TBC1D2B: variants seen among roughly 807,000 people sequenced by gnomAD.
TBC1D2B encodes TBC1 domain family, member 2B.
TBC1D2B carries 64 observed loss-of-function variants against 100.8 expected under a neutral mutation model. The ratio of observed to expected loss-of-function variants is 0.64; its 90% CI spans 0.52 to 0.78. The LOEUF is 0.78. Among genes scored for constraint, TBC1D2B ranks in the 30% least tolerant of loss-of-function variants. The pLI is 0.00. For synonymous variants in TBC1D2B, 480 were observed against 479.7 expected (o/e 1.00, Z -0.01); for missense variants, 1,052 against 1,218.4 (o/e 0.86, Z 2.03).
Position 78,054,126 on chromosome 15 carries a change from T to C in TBC1D2B, c.422A>G (p.Tyr141Cys). ...LQELQQKRWE[Y>C]CNSLDMVKWD... ...CTTGACCATGTCAAGACTGTTACAA[T>C]ATTCCCATCTCTTCTGCTGAAGCTC... The change falls in exon 2 of 13, where the codon TAT (tyrosine) becomes TGT (cysteine). Residue 141 changes from tyrosine (Y) to cysteine (C), a missense_variant. This residue lies in a region of TBC1D2B where 627 missense variants were observed against 646.1 expected (regional missense o/e 0.97). Coordinates refer to ENST00000300584, the MANE Select transcript of TBC1D2B (RefSeq NM_144572.2). 1 of 1,613,894 alleles carries C rather than the reference T, an allele frequency of 6.2e-7. No individual in the cohort carries two copies. The highest frequency in any genetic ancestry group is 8.5e-7 in the Non-Finnish European group (1 of 1,179,830).
At chr15:78,007,332 A>G (rs1354210145) in intron 10 of TBC1D2B, among the ~76,000 whole-genome samples, 1 of 152,216 alleles carries the variant, frequency 6.6e-6, no homozygotes, top group African/African-American at 2.4e-5. Flanking sequence ...CAGCAGGAAG[A>G]AAGGAGAGAG....
chr15:77,995,233 A>G lies in TBC1D2B; in HGVS notation c.*2927T>C, dbSNP rs1030090841. The G allele has an allele frequency of 6.6e-6, 1 of 152,212 alleles. No individual in the cohort carries two copies. The highest frequency in any genetic ancestry group is 1.5e-5 in the Non-Finnish European group (1 of 68,042). 9.4% of individuals were successfully genotyped at this position (152,212 alleles called of 1,614,324 possible). On this transcript the variant is annotated 3_prime_UTR_variant, in exon 13 of 13. Transcript: ENST00000300584. ...AAGCCCCGGAACACACAGGAAGACA[A>G]CACTATAGGATGGCAGGTGGGGATC...
chr15:78,036,481 T>C (rs2072949169), intron 3 of TBC1D2B, among the ~76,000 whole-genome samples: 1 of 152,214 alleles, frequency 6.6e-6, no homozygotes, highest in Non-Finnish European at 1.5e-5. Context: ...TTAACACCGT[T>C]ATCTGGGGAG....
intron 6 of TBC1D2B, among the ~76,000 whole-genome samples, chr15:78,020,010 C>G (rs2072477403): frequency 6.6e-6 from 1 of 152,114 alleles, no homozygotes; most frequent in Admixed American, 6.5e-5. Context: ...CCACCTCAAC[C>G]TCCTGAGTAG....
Position 78,016,030 on chromosome 15 carries a change from A to C in TBC1D2B, c.1775+516T>G, listed in dbSNP as rs540438731. Among the ~76,000 whole-genome samples the C allele has an allele frequency of 1.3e-4, 20 of 152,336 alleles. No homozygotes were observed. The South Asian group carries it at 4.1e-3, about 32-fold the overall frequency. ...TGGAAACAAGAGGCTGAACTGCGTG[A>C]ATCTGTAGATTTCTCCTGGTTCAAG... On this transcript the variant is annotated intron_variant, in intron 8 of 12. Transcript: ENST00000300584.
At chr15:78,045,863 C>T (rs902888438) in intron 2 of TBC1D2B, among the ~76,000 whole-genome samples, 2 of 152,080 alleles carry the variant, frequency 1.3e-5, no homozygotes, top group Non-Finnish European at 2.9e-5. Flanking sequence ...TGTTATTCTT[C>T]GTATATGTTT....
At chr15:78,026,327 G>C (rs975577359) in intron 4 of TBC1D2B, among the ~76,000 whole-genome samples, 3 of 152,010 alleles carry the variant, frequency 2.0e-5, no homozygotes, top group Non-Finnish European at 4.4e-5. Flanking sequence ...CACCAGGGTG[G>C]GTTAGTTATC....
chr15:78,077,355 G>A lies in TBC1D2B; in HGVS notation c.298C>T (p.Pro100Ser). 1.3e-6 allele frequency: 2 copies of A among 1,538,890 alleles called. No homozygotes were observed. Among genetic ancestry groups the A allele is most frequent in the Non-Finnish European group, 1.8e-6 (2 of 1,142,808 alleles). The stretch of plus-strand genomic sequence containing the variant: ...AAGTGCGCGGGCGGCTCCGTGCCCG[G>A]CTCCGCCGCCTCGTCGGGGCCCTGG... ...SYQGPDEAAE[P>S]GTEPPAHFQV... is the part of the protein sequence containing the mutation. Residue 100 changes from proline (P) to serine (S), a missense_variant, in exon 1 of 13, where the codon CCG (proline) becomes TCG (serine). Coordinates refer to ENST00000300584, the MANE Select transcript of TBC1D2B (RefSeq NM_144572.2).
At chr15:78,057,023 C>A (rs1264535546) in intron 1 of TBC1D2B, among the ~76,000 whole-genome samples, 1 of 152,190 alleles carries the variant, frequency 6.6e-6, no homozygotes, top group African/African-American at 2.4e-5. Flanking sequence ...CCACAGGCTG[C>A]TAGAGAAGCT....
At position 78,045,071 on chromosome 15, in the gene TBC1D2B, G is replaced by GA. The variant is rs754356563; in HGVS notation, c.515-4dup. ...ATTTGGGTGTGGGTAAATTAAATCT[G>GA]AAAAAAAAGGTAAACAAATGTCAGT... On this transcript the variant is annotated splice_polypyrimidine_tract_variant and splice_region_variant and intron_variant, in intron 2 of 12. Transcript: ENST00000300584. The GA allele has an allele frequency of 3.0e-5, 47 of 1,573,884 alleles. No individual in the cohort carries two copies. Among genetic ancestry groups the GA allele is most frequent in the East Asian group, 1.6e-4 (7 of 44,370 alleles).
At chr15:77,999,438 G>C (rs186076617) in intron 12 of TBC1D2B, 227 of 333,026 alleles carry the variant, frequency 6.8e-4, no homozygotes, top group African/African-American at 4.7e-3. Flanking sequence ...AGAAAGGCCA[G>C]CTTTATTTAA....
At chr15:78,051,669 T>C (rs1339034548) in intron 2 of TBC1D2B, among the ~76,000 whole-genome samples, 1 of 152,238 alleles carries the variant, frequency 6.6e-6, no homozygotes, top group African/African-American at 2.4e-5. Context: ...AAAAGTTTTA[T>C]TTTTAATGCA....
rs2073370248 is a variant in TBC1D2B, at chr15:78,054,095, G to A, written c.453C>T (p.Asp151=). 7 of 1,613,752 alleles carry A rather than the reference G, an allele frequency of 4.3e-6. No individual in the cohort carries two copies. The highest frequency in any genetic ancestry group is 5.9e-6 in the Non-Finnish European group (7 of 1,179,822). ...CCCCGGGAGTTGGAGAGGTCCTGCT[G>A]TCCCACTTGACCATGTCAAGACTGT... ...YCNSLDMVKW[D]SRTSPTPGDF... is the part of the protein sequence containing the mutation. Residue 151 remains aspartate, a synonymous_variant, in exon 2 of 13, where the codon GAC becomes GAT. Coordinates refer to ENST00000300584, the MANE Select transcript of TBC1D2B (RefSeq NM_144572.2).
At chr15:78,032,540 T>A (rs2141723678) in intron 3 of TBC1D2B, among the ~76,000 whole-genome samples, 1 of 149,976 alleles carries the variant, frequency 6.7e-6, no homozygotes, top group Non-Finnish European at 1.5e-5. Flanking sequence ...AAAAAATCAA[T>A]CAACAGAAAC....
intron 1 of TBC1D2B, among the ~76,000 whole-genome samples, chr15:78,065,793 G>A (rs547329312): frequency 1.3e-4 from 20 of 152,276 alleles, no homozygotes; most frequent in African/African-American, 3.6e-4. Context: ...TTTAGGAAAC[G>A]GAGTTGGGAC....
At chr15:78,064,608 C>T (rs1056554599) in intron 1 of TBC1D2B, among the ~76,000 whole-genome samples, 5 of 152,152 alleles carry the variant, frequency 3.3e-5, no homozygotes, top group Admixed American at 2.0e-4. Context: ...ATATTGTAAG[C>T]AGCCTGGTAA....
At chr15:78,010,020 T>A (rs935458968) in intron 9 of TBC1D2B, among the ~76,000 whole-genome samples, 1 of 152,050 alleles carries the variant, frequency 6.6e-6, no homozygotes, top group African/African-American at 2.4e-5. Context: ...GCTGATTCTT[T>A]GAGTTCATCA....
chr15:78,069,739 G>C (rs187454027), intron 1 of TBC1D2B, among the ~76,000 whole-genome samples: 9 of 152,168 alleles, frequency 5.9e-5, no homozygotes, highest in East Asian at 1.9e-4. Context: ...TAGATAGATA[G>C]ATACATACAT....
rs1165843981 is a variant in TBC1D2B at position 78,064,324 on chromosome 15, C to G, written c.361-10137G>C. On this transcript the variant is annotated intron_variant, in intron 1 of 12. Transcript: ENST00000300584. ...AACTCTGGGTTCCTTCCCAAAGGGT[C>G]AGGTCCTACCATGTTTATTAGCCAA... Among the ~76,000 whole-genome samples, 3 of 152,288 alleles carry G rather than the reference C, an allele frequency of 2.0e-5. No individual in the cohort carries two copies. The East Asian group carries it at 5.8e-4, about 29-fold the overall frequency.
Sources: gnomAD v4.1 joint callset for allele counts (sites outside exome capture counted in the v4.1 genomes callset) on GRCh38, gnomAD v4.1.1 for gene constraint, gnomAD v4.1.1 regional missense constraint, MANE v1.5 for transcripts, NCBI Gene and HGNC (gene_info 2026-07-23, HGNC 2026-07-21) for gene names.